The following CUEDC1 variants were observed in gnomAD, a reference collection of about 807,000 sequenced individuals.
The protein encoded by CUEDC1 is CUE domain containing 1, also known as CUE domain-containing protein 1.
In CUEDC1, 30 loss-of-function variants were observed where a neutral mutation model predicts 43.7. The ratio of observed to expected loss-of-function variants is 0.69; its 90% confidence interval spans 0.51 to 0.93. The LOEUF is 0.93. CUEDC1 is among the 40% of genes least tolerant of loss of function. The probability of loss-of-function intolerance (pLI) is 0.00; values close to 1 mark genes in which losing one functional copy is unlikely to be tolerated. For synonymous variants in CUEDC1, 223 were observed against 223.6 expected (o/e 1.00, Z 0.02); for missense variants, 486 against 549.0 (o/e 0.89, Z 1.15).
At chr17:57,894,418 C>A (rs964695605) in intron 1 of CUEDC1, among the ~76,000 whole-genome samples, 1 of 152,172 alleles carries the variant, frequency 6.6e-6, no homozygotes, top group Non-Finnish European at 1.5e-5. Context: ...TGCCTGTAAT[C>A]CCAGCACTTT....
At position 57,865,792 on chromosome 17, in the gene CUEDC1, C is replaced by T. The variant is rs186607754; in HGVS notation, c.*3+682G>A. Reference sequence around the variant, plus strand: ...TGGAGAGAGTTGTGTGTGTGCACAGCCGGGTTGAGACCACCTCAGTTTTTC... The same window carrying T: ...TGGAGAGAGTTGTGTGTGTGCACAGTCGGGTTGAGACCACCTCAGTTTTTC... On this transcript the variant is annotated intron_variant, in intron 10 of 10. Coordinates refer to ENST00000577830, the MANE Select transcript of CUEDC1 (RefSeq NM_001271875.2). Among the ~76,000 whole-genome samples the T allele has an allele frequency of 9.8e-3, 1,484 of 151,750 alleles. 9 individuals are homozygous for T. The highest frequency in any genetic ancestry group is 0.014 in the Non-Finnish European group (961 of 67,916).
chr17:57,916,258 G>A (rs1302554158), intron 1 of CUEDC1, among the ~76,000 whole-genome samples: 1 of 152,254 alleles, frequency 6.6e-6, no homozygotes, highest in Non-Finnish European at 1.5e-5. Flanking sequence ...CAGCACACTT[G>A]CTCCATCCCG....
At chr17:57,867,279 C>T in intron 9 of CUEDC1, 78 bp downstream of exon 9, 1 of 1,386,124 alleles carries the variant, frequency 7.2e-7, no homozygotes, top group Non-Finnish European at 1.0e-6. Context: ...CGGGTGCTCC[C>T]ATGAAACACC....
chr17:57,940,328 A>G (rs985817979), intron 1 of CUEDC1, among the ~76,000 whole-genome samples: 8 of 152,032 alleles, frequency 5.3e-5, no homozygotes, highest in African/African-American at 1.9e-4. Context: ...GCTGGAAACA[A>G]GAAATTCAAA....
chr17:57,868,595 C>T, intron 7 of CUEDC1: 1 of 367,334 alleles, frequency 2.7e-6, no homozygotes, highest in Non-Finnish European at 5.1e-6. Context: ...CCCGCCCCTC[C>T]CCTAGCCACC....
At position 57,872,825 on chromosome 17, in the gene CUEDC1, C is replaced by T; in HGVS notation, c.622G>A (p.Gly208Arg). The T allele has an allele frequency of 6.2e-7, 1 of 1,613,820 alleles. No homozygotes were observed. Among genetic ancestry groups the T allele is most frequent in the Non-Finnish European group, 8.5e-7 (1 of 1,179,900 alleles). Residue 208 changes from glycine (G) to arginine (R), a missense_variant, in exon 5 of 11, where the codon GGA (glycine) becomes AGA (arginine). Physicochemically the swap from Gly to Arg is moderately radical, Grantham distance 125. Transcript: ENST00000577830. ...GNAGGPKPGSGEGCPPAMAGP... is the reference protein window; with the variant it reads ...GNAGGPKPGSREGCPPAMAGP... ...GCCATGGCAGGTGGACATCCCTCTC[C>T]ACTCCCAGGCTTGGGGCCCCCAGCG...
At chr17:57,869,614 A>G (rs902703975) in intron 6 of CUEDC1, among the ~76,000 whole-genome samples, 4 of 152,142 alleles carry the variant, frequency 2.6e-5, no homozygotes, top group African/African-American at 9.7e-5. Flanking sequence ...GCACCCCGAC[A>G]TTCATGTGAC....
chr17:57,887,518 G>A (rs1426311099), intron 1 of CUEDC1, among the ~76,000 whole-genome samples: 3 of 148,740 alleles, frequency 2.0e-5, no homozygotes, highest in African/African-American at 7.4e-5. Flanking sequence ...TTTTTTTTCG[G>A]TCTCACTTTG....
At chr17:57,873,750 T>G (rs1439358355) in intron 3 of CUEDC1, 33 bp from the exon 4 acceptor site, 1 of 1,518,674 alleles carries the variant, frequency 6.6e-7, no homozygotes, top group Admixed American at 2.1e-5. Context: ...GAAGAGGAAG[T>G]CATTAAGCCC....
rs1491361376 is a variant in CUEDC1, at chr17:57,861,812, CCT to C, written c.*1475_*1476del. The C allele has an allele frequency of 6.6e-6, 1 of 151,100 alleles. No individual in the cohort carries two copies. Among genetic ancestry groups the C allele is most frequent in the East Asian group, 2.0e-4 (1 of 5,110 alleles). The allele number at this position is 151,100 out of a possible 1,614,324, so 9.4% of individuals were successfully genotyped here. On this transcript the variant is annotated 3_prime_UTR_variant, in exon 11 of 11. Coordinates refer to ENST00000577830, the MANE Select transcript of CUEDC1 (RefSeq NM_001271875.2). Reference sequence around the variant, plus strand: ...GAGGCACTCCTCGGAGACCCCCCCCCCTCCCTCCAGGGCCCCAGGCCTGGCGC... The same window carrying C: ...GAGGCACTCCTCGGAGACCCCCCCCCCCCTCCAGGGCCCCAGGCCTGGCGC...
intron 8 of CUEDC1, 74 bp downstream of exon 8, chr17:57,868,076 G>C (rs1251378514): frequency 5.0e-5 from 62 of 1,243,966 alleles, no homozygotes; most frequent in Non-Finnish European, 6.7e-5. Flanking sequence ...ACAGCTGCAG[G>C]GAGTCCAACA....
intron 1 of CUEDC1, among the ~76,000 whole-genome samples, chr17:57,912,132 CT>C (rs1270191366): frequency 2.0e-5 from 3 of 152,226 alleles, no homozygotes; most frequent in African/African-American, 4.8e-5. Flanking sequence ...GCCCCCACCC[CT>C]GGCCCTGGAG....
At chr17:57,864,697 G>A (rs1043837824) in intron 10 of CUEDC1, among the ~76,000 whole-genome samples, 2 of 152,124 alleles carry the variant, frequency 1.3e-5, no homozygotes, top group South Asian at 2.1e-4. Context: ...AAGGGGAGGA[G>A]GAGGAGGATG....
intron 1 of CUEDC1, among the ~76,000 whole-genome samples, chr17:57,906,743 G>A (rs975131618): frequency 6.6e-6 from 1 of 152,250 alleles, no homozygotes; most frequent in Admixed American, 6.5e-5. Flanking sequence ...GGCCAAGGCG[G>A]GTGGATCACC....
chr17:57,916,715 C>T lies in CUEDC1; in HGVS notation c.-315-30836G>A, dbSNP rs376732831. 4.9e-4 allele frequency among the ~76,000 whole-genome samples: 74 copies of T among 152,284 alleles called. 1 individual carries two copies. In the East Asian group the frequency reaches 8.1e-3, roughly 17 times the overall value. ...TCGCCCACCCCCAGGCTCACAAACT[C>T]GCCTGGGCCCCGCTCTCGAGAACCA... On this transcript the variant is annotated intron_variant, in intron 1 of 10. Transcript: ENST00000577830.
chr17:57,927,645 GA>G, intron 1 of CUEDC1, among the ~76,000 whole-genome samples: 1 of 152,330 alleles, frequency 6.6e-6, no homozygotes, highest in Middle Eastern at 3.4e-3. Flanking sequence ...AAATTTCCAA[GA>G]GGTATGTCAG....
At chr17:57,897,877 G>A (rs2074430066) in intron 1 of CUEDC1, among the ~76,000 whole-genome samples, 1 of 152,130 alleles carries the variant, frequency 6.6e-6, no homozygotes, top group African/African-American at 2.4e-5. Flanking sequence ...GCTGGGCGTG[G>A]TGGCAGGTGC....
rs376685420 is a variant in CUEDC1, at chr17:57,867,401, G to A, written c.1049C>T (p.Ala350Val). The A allele has an allele frequency of 6.3e-5, 98 of 1,552,406 alleles. No homozygotes were observed. Among genetic ancestry groups the A allele is most frequent in the Non-Finnish European group, 7.5e-5 (86 of 1,147,410 alleles). ...LLKHQSLGAA[A>V]STANLLDDVE... is the part of the protein sequence containing the mutation. ...ATCATCCAGGAGGTTGGCTGTTGAC[G>A]CGGCAGCCCCCAGCCTGCCAGGCCA... The change falls in exon 9 of 11, where the codon GCG (alanine) becomes GTG (valine). Residue 350 changes from alanine (A) to valine (V), a missense_variant. Coordinates refer to ENST00000577830, the MANE Select transcript of CUEDC1 (RefSeq NM_001271875.2).
At chr17:57,904,730 C>T (rs1351670959) in intron 1 of CUEDC1, among the ~76,000 whole-genome samples, 2 of 152,106 alleles carry the variant, frequency 1.3e-5, no homozygotes, top group Admixed American at 6.5e-5. Flanking sequence ...AAGTAAATGG[C>T]CCTAGGGGCT....
Sources: allele counts gnomAD v4.1 joint callset (sites outside exome capture counted in the v4.1 genomes callset), GRCh38; gene constraint gnomAD v4.1.1; transcripts MANE v1.5; gene names NCBI Gene and HGNC (gene_info 2026-07-23, HGNC 2026-07-21).